The following TG variants were observed in gnomAD, a reference collection of about 807,000 sequenced individuals.
TG encodes thyroglobulin, also known as thyroid hormones.
Under a neutral mutation model 324.7 loss-of-function variants are expected in TG, and 270 were observed. The ratio of observed to expected loss-of-function variants is 0.83; its 90% CI spans 0.75 to 0.92. The LOEUF (loss-of-function observed/expected upper bound fraction) is 0.92. Ranked by LOEUF, TG falls within the 40% of genes least tolerant of loss-of-function variation. The pLI is 0.00. For synonymous variants in TG, 1,401 were observed against 1,327.0 expected (o/e 1.06, Z -1.21); for missense variants, 3,591 against 3,456.4 (o/e 1.04, Z -0.98).
At chr8:133,088,552 G>A (rs1321795787) in intron 41 of TG, among the ~76,000 whole-genome samples, 1 of 152,200 alleles carries the variant, frequency 6.6e-6, no homozygotes, top group African/African-American at 2.4e-5. Context: ...TTGTTTTGGA[G>A]ATCATGAGAG....
Position 132,886,437 on chromosome 8 carries a change from GT to G in TG, c.1076-10del, listed in dbSNP as rs1333179031. 4 of 1,614,026 alleles carry G rather than the reference GT, an allele frequency of 2.5e-6. No homozygotes were observed. Among genetic ancestry groups the G allele is most frequent in the Non-Finnish European group, 3.4e-6 (4 of 1,180,020 alleles). On this transcript the variant is annotated splice_polypyrimidine_tract_variant and intron_variant, in intron 8 of 47. Transcript: ENST00000220616. ...AAAACCTTTTCTCCCATTTCACTTT[GT>G]CTCATGCAGCTGAAGGCCAATCTTG... is the stretch of plus-strand genomic sequence containing the variant.
chr8:132,941,512 G>A lies in TG; in HGVS notation c.5203G>A (p.Asp1735Asn), dbSNP rs759139106. The A allele has an allele frequency of 8.7e-6, 14 of 1,614,154 alleles. No homozygotes were observed. The highest frequency in any genetic ancestry group is 1.3e-5 in the African/African-American group (1 of 75,042). ...TGCATGCGACCGTGATCTGTGTTGC[G>A]ATGGCTTCGTCCTCACACAGGTTCA... ...LLACDRDLCC[D>N]GFVLTQVQGG... The change falls in exon 26 of 48, where the codon GAT becomes AAT. Residue 1735 changes from aspartate to asparagine, a missense_variant. Physicochemically the swap from Asp to Asn is conservative, Grantham distance 23. Coordinates refer to ENST00000220616, the MANE Select transcript of TG (RefSeq NM_003235.5).
rs1835365792 is a variant in TG, at chr8:133,019,529, T to C, written c.6783-73T>C. 2.3e-6 allele frequency: 3 copies of C among 1,333,116 alleles called. No homozygotes were observed. The Admixed American group carries it at 5.1e-5, about 23-fold the overall frequency. 82.6% of individuals were successfully genotyped at this position (1,333,116 alleles called of 1,614,324 possible). A position where few individuals can be genotyped will look rare whatever the true frequency, so the allele number is the denominator to read the frequency against. On this transcript the variant is annotated intron_variant, in intron 38 of 47. Transcript: ENST00000220616. ...CAGGCTTTGGAATGGGGTAGTGGGC[T>C]CTGACCATGGTGGTGGGTGGGGAGG...
In TG at chr8:133,019,619, C is replaced by G. The variant is rs1263677261; in HGVS notation, c.6800C>G (p.Pro2267Arg). Reference protein sequence around the residue: ...ASKPRASCWQPGTRTSTSPGV... With the variant: ...ASKPRASCWQRGTRTSTSPGV... The stretch of plus-strand genomic sequence containing the variant: ...ATCTGCAGGGCCAGCTGCTGGCAGC[C>G]AGGCACCAGAACATCCACGTCTCCT... The change falls in exon 39 of 48, where the codon CCA becomes CGA. Residue 2267 changes from proline to arginine, a missense_variant. Physicochemically the swap from Pro to Arg is moderately radical, Grantham distance 103. Transcript: ENST00000220616. 11 of 1,613,648 alleles carry G rather than the reference C, an allele frequency of 6.8e-6. No individual in the cohort carries two copies. Among genetic ancestry groups the G allele is most frequent in the Non-Finnish European group, 9.3e-6 (11 of 1,179,810 alleles).
rs540756960 is a variant in TG at position 132,904,582 on chromosome 8, T to C, written c.3635-2106T>C. On this transcript the variant is annotated intron_variant, in intron 16 of 47. Coordinates refer to ENST00000220616, the MANE Select transcript of TG (RefSeq NM_003235.5). Reference sequence around the variant, plus strand: ...AGGGAGTAACTTCATTTCAGTGACATGGGGAATAAGGCTGTGGGAAAACAG... The same window carrying C: ...AGGGAGTAACTTCATTTCAGTGACACGGGGAATAAGGCTGTGGGAAAACAG... Among the ~76,000 whole-genome samples the C allele has an allele frequency of 2.6e-5, 4 of 152,118 alleles. No individual in the cohort carries two copies. In the South Asian group the frequency reaches 8.3e-4, roughly 32 times the overall value.
intron 45 of TG, among the ~76,000 whole-genome samples, chr8:133,119,223 C>T (rs901937313): frequency 7.9e-5 from 12 of 152,184 alleles, no homozygotes; most frequent in Non-Finnish European, 1.8e-4. Flanking sequence ...GCTCTCATTT[C>T]CCCGGAGCAC....
chr8:132,876,911 A>G (rs1813886598), intron 5 of TG, among the ~76,000 whole-genome samples: 1 of 152,222 alleles, frequency 6.6e-6, no homozygotes, highest in African/African-American at 2.4e-5. Flanking sequence ...CTTAGCAACC[A>G]GTCTAACTTC....
At chr8:132,871,660 G>A (rs79676842) in intron 4 of TG, 109 bp downstream of exon 4, 1 of 1,048,268 alleles carries the variant, frequency 9.5e-7, no homozygotes, top group African/African-American at 1.6e-5. Flanking sequence ...AGAGAACCAG[G>A]CCCTCATTAG....
chr8:133,073,830 G>A (rs548251133), intron 41 of TG, among the ~76,000 whole-genome samples: 1 of 152,186 alleles, frequency 6.6e-6, no homozygotes, highest in South Asian at 2.1e-4. Context: ...CCAGCTCCGT[G>A]ACTTGGACAA....
Position 133,133,577 on chromosome 8 carries a change from A to AGCT in TG, c.8109_8111dup (p.Leu2704dup). ...GGAGAGAACTACAAGGAGTTCAGTG[A>AGCT]GCTGCTCCCCAATCGACAGGGCCTG... is the stretch of plus-strand genomic sequence containing the variant. On this transcript the variant is annotated inframe_insertion, in exon 47 of 48. Transcript: ENST00000220616. 1.9e-6 allele frequency: 3 copies of AGCT among 1,614,226 alleles called. No homozygotes were observed. Among genetic ancestry groups the AGCT allele is most frequent in the Non-Finnish European group, 2.5e-6 (3 of 1,180,036 alleles).
chr8:133,062,632 G>T (rs1842529953), intron 41 of TG, among the ~76,000 whole-genome samples: 1 of 152,126 alleles, frequency 6.6e-6, no homozygotes, highest in East Asian at 1.9e-4. Flanking sequence ...GTCCTGCACA[G>T]GCCTCGGGAA....
chr8:132,893,298 G>T (rs548091310), intron 10 of TG, among the ~76,000 whole-genome samples: 1 of 117,164 alleles, frequency 8.5e-6, no homozygotes, highest in Admixed American at 8.8e-5. Context: ...GTATGTGTAC[G>T]TGTGGTGTAT....
intron 11 of TG, among the ~76,000 whole-genome samples, chr8:132,894,458 A>G (rs1018636479): frequency 5.3e-5 from 8 of 150,916 alleles, no homozygotes; most frequent in Non-Finnish European, 1.2e-4. Flanking sequence ...GCTGAACAGT[A>G]TGCTTTTTTT....
In TG at chr8:132,908,250, G is replaced by A. The variant is rs886062706; in HGVS notation, c.3912G>A (p.Lys1304=). ...GHFQLQLPPG[K]MCSADYADLL... ...TTCAGCTCCAGCTCCCGCCGGGCAAGATGTGCAGTGCTGACTACGCGGATT... is the reference window on the plus strand; with the variant it reads ...TTCAGCTCCAGCTCCCGCCGGGCAAAATGTGCAGTGCTGACTACGCGGATT... Residue 1304 remains lysine, a synonymous_variant, in exon 18 of 48, where the codon AAG becomes AAA. Coordinates refer to ENST00000220616, the MANE Select transcript of TG (RefSeq NM_003235.5). 8.7e-6 allele frequency: 14 copies of A among 1,614,034 alleles called. No individual in the cohort carries two copies. In the Middle Eastern group the frequency reaches 8.2e-4, roughly 95 times the overall value.
At chr8:132,930,605 C>T (rs184163525) in intron 23 of TG, among the ~76,000 whole-genome samples, 1 of 151,734 alleles carries the variant, frequency 6.6e-6, no homozygotes, top group African/African-American at 2.4e-5. Flanking sequence ...TTGCTTGAAC[C>T]TGGTGGGAGG....
In TG at chr8:132,906,776, C is replaced by A. The variant is rs773451325; in HGVS notation, c.3723C>A (p.Ala1241=). 10 of 1,614,124 alleles carry A rather than the reference C, an allele frequency of 6.2e-6. No individual in the cohort carries two copies. In the African/African-American group the frequency reaches 1.2e-4, roughly 19 times the overall value. Residue 1241 remains alanine (A), a synonymous_variant, in exon 17 of 48, where the codon GCC becomes GCA. Coordinates refer to ENST00000220616, the MANE Select transcript of TG (RefSeq NM_003235.5). ...CETISGPTGS[A]MQQCQLLCRQ... is the part of the protein sequence containing the mutation. Reference sequence around the variant, plus strand: ...CAATCTCGGGCCCCACAGGCTCTGCCATGCAGCAGTGCCAATTGCTGTGCC... The same window carrying A: ...CAATCTCGGGCCCCACAGGCTCTGCAATGCAGCAGTGCCAATTGCTGTGCC...
At chr8:132,922,801 C>A (rs1167518962) in intron 21 of TG, among the ~76,000 whole-genome samples, 3 of 152,174 alleles carry the variant, frequency 2.0e-5, no homozygotes, top group African/African-American at 4.8e-5. Flanking sequence ...TTAAAGGGTA[C>A]AAATCTCATT....
intron 16 of TG, among the ~76,000 whole-genome samples, chr8:132,904,697 C>A (rs919468210): frequency 2.4e-4 from 37 of 152,112 alleles, no homozygotes; most frequent in Admixed American, 5.9e-4. Flanking sequence ...CCTTTCTAGC[C>A]GAATCAGATC....
chr8:133,050,794 A>G (rs765446572), intron 41 of TG: 1 of 1,469,562 alleles, frequency 6.8e-7, no homozygotes, highest in South Asian at 1.1e-5. Flanking sequence ...AAGATTGCAC[A>G]AGTTTTGGAG....
Sources: allele counts gnomAD v4.1 joint callset (sites outside exome capture counted in the v4.1 genomes callset), GRCh38; gene constraint gnomAD v4.1.1; transcripts MANE v1.5; gene names NCBI Gene and HGNC (gene_info 2026-07-23, HGNC 2026-07-21).